PTPRZ1: variants seen among roughly 807,000 people sequenced by gnomAD.
PTPRZ1 encodes the protein protein tyrosine phosphatase receptor type Z1.
Under a neutral mutation model 214.1 loss-of-function variants are expected in PTPRZ1, and 82 were observed. The observed-to-expected ratio is 0.38, with a 90% CI of 0.32 to 0.46. PTPRZ1 has a LOEUF of 0.46. Ranked by LOEUF, PTPRZ1 falls within the 20% of genes least tolerant of loss-of-function variation. The pLI is 1.00. For synonymous variants in PTPRZ1, 945 were observed against 987.9 expected (o/e 0.96, Z 0.81); for missense variants, 2,603 against 2,748.7 (o/e 0.95, Z 1.19).
Position 122,036,605 on chromosome 7 carries a change from C to A in PTPRZ1, c.5290C>A (p.His1764Asn). 1 of 1,593,526 alleles carries A rather than the reference C, an allele frequency of 6.3e-7. No homozygotes were observed. Among genetic ancestry groups the A allele is most frequent in the Non-Finnish European group, 8.6e-7 (1 of 1,161,612 alleles). Residue 1764 changes from histidine (H) to asparagine (N), a missense_variant, in exon 18 of 30, where the codon CAT (histidine) becomes AAT (asparagine). Physicochemically the swap from His to Asn is moderately conservative, Grantham distance 68 (BLOSUM62 1). Transcript: ENST00000393386. ...NRYINIVAYD[H>N]SRVKLAQLAE... ...ATATTCTCTTTATATTACAGATGAT[C>A]ATAGCAGGGTTAAGCTAGCACAGCT...
chr7:121,949,840 T>A (rs1046944529), intron 2 of PTPRZ1, among the ~76,000 whole-genome samples: 7 of 152,100 alleles, frequency 4.6e-5, no homozygotes, highest in African/African-American at 1.7e-4. Flanking sequence ...TTTTTCACAT[T>A]GAAAAATCCA....
intron 1 of PTPRZ1, among the ~76,000 whole-genome samples, chr7:121,914,845 CTT>C (rs1795373022): frequency 6.6e-6 from 1 of 152,106 alleles, no homozygotes. Context: ...AGATGTGTAA[CTT>C]TCATTTATTC....
intron 20 of PTPRZ1, 128 bp from the exon 21 acceptor site, chr7:122,040,688 C>A: frequency 1.6e-6 from 1 of 645,058 alleles, no homozygotes; most frequent in African/African-American, 1.8e-5. Context: ...GGACCCTCAA[C>A]ATCAAATCAA....
At chr7:121,995,662 T>C (rs1464994175) in intron 8 of PTPRZ1, among the ~76,000 whole-genome samples, 2 of 152,208 alleles carry the variant, frequency 1.3e-5, no homozygotes, top group Admixed American at 1.3e-4. Context: ...ATTTTCTTAA[T>C]TTACTTATGA....
At chr7:121,954,234 A>T (rs1796641748) in intron 2 of PTPRZ1, among the ~76,000 whole-genome samples, 2 of 152,112 alleles carry the variant, frequency 1.3e-5, no homozygotes. Flanking sequence ...TTTAAATATG[A>T]CCGTGACACT....
intron 23 of PTPRZ1, 128 bp from the exon 24 acceptor site, chr7:122,051,300 C>G (rs1267116063): frequency 1.9e-6 from 1 of 518,024 alleles, no homozygotes; most frequent in Non-Finnish European, 3.3e-6. Flanking sequence ...GAAAACATTT[C>G]ATATATATTT....
chr7:121,973,940 G>GAAAAAAAA (rs371692415), intron 4 of PTPRZ1, among the ~76,000 whole-genome samples: 45 of 86,182 alleles, frequency 5.2e-4, no homozygotes, highest in East Asian at 1.2e-3. Flanking sequence ...TCTCAAAAAA[G>GAAAAAAAA]AAAAAAAAAA....
intron 8 of PTPRZ1, among the ~76,000 whole-genome samples, chr7:121,993,486 A>G (rs1798033980): frequency 6.7e-6 from 1 of 149,944 alleles, no homozygotes; most frequent in Admixed American, 6.7e-5. Context: ...GAGGCAGGAG[A>G]ATGGTGTGAA....
chr7:121,979,402 G>A (rs1239179448), intron 6 of PTPRZ1, among the ~76,000 whole-genome samples: 1 of 152,142 alleles, frequency 6.6e-6, no homozygotes, highest in African/African-American at 2.4e-5. Flanking sequence ...CATCATCAGT[G>A]ATTATCTGAT....
chr7:122,028,792 TGTTCCAG>T (rs1318461338), intron 14 of PTPRZ1, 149 bp downstream of exon 14: 2 of 606,754 alleles, frequency 3.3e-6, no homozygotes, highest in Non-Finnish European at 5.8e-6. Flanking sequence ...TATTACATTA[TGTTCCAG>T]GTACTCAGGT....
rs1205020011 is a variant in PTPRZ1, at chr7:122,053,921, G to A, written c.6264G>A (p.Gln2088=). ...INASYIMGYY[Q]SNEFIITQHP... Reference sequence around the variant, plus strand: ...CTTTGGTTTTGTAGGGCTATTACCAGAGCAATGAATTCATCATTACCCAGC... The same window carrying A: ...CTTTGGTTTTGTAGGGCTATTACCAAAGCAATGAATTCATCATTACCCAGC... Residue 2088 remains glutamine, a synonymous_variant, in exon 26 of 30, where the codon CAG becomes CAA. Transcript: ENST00000393386. 5.6e-6 allele frequency: 9 copies of A among 1,612,734 alleles called. No homozygotes were observed. Among genetic ancestry groups the A allele is most frequent in the African/African-American group, 1.3e-5 (1 of 74,860 alleles).
At chr7:122,045,923 C>A (rs1299634671) in intron 23 of PTPRZ1, among the ~76,000 whole-genome samples, 2 of 151,926 alleles carry the variant, frequency 1.3e-5, no homozygotes, top group Middle Eastern at 6.8e-3. Context: ...TGTGTGTGTA[C>A]CATCCCATAA....
At chr7:121,928,011 G>A (rs770048011) in intron 1 of PTPRZ1, 145 bp from the exon 2 acceptor site, 141 of 647,088 alleles carry the variant, frequency 2.2e-4, no homozygotes, top group Non-Finnish European at 3.1e-4. Context: ...TATAATGGTG[G>A]TGGTTGAGGT....
At chr7:121,936,003 A>G (rs911101160) in intron 2 of PTPRZ1, among the ~76,000 whole-genome samples, 1 of 152,244 alleles carries the variant, frequency 6.6e-6, no homozygotes, top group African/African-American at 2.4e-5. Flanking sequence ...TTGTCACACA[A>G]AATTCACTTA....
intron 1 of PTPRZ1, among the ~76,000 whole-genome samples, chr7:121,919,846 C>G (rs978442786): frequency 1.9e-5 from 2 of 105,564 alleles, no homozygotes; most frequent in Non-Finnish European, 3.8e-5. Context: ...ATTAACCAAG[C>G]CTTTATTAAT....
intron 1 of PTPRZ1, among the ~76,000 whole-genome samples, chr7:121,884,610 G>A (rs1584600611): frequency 6.6e-6 from 1 of 151,646 alleles, no homozygotes; most frequent in South Asian, 2.1e-4. Context: ...AAGGGTTTGG[G>A]CCCAGTTAGA....
At chr7:121,888,252 A>G (rs1240481934) in intron 1 of PTPRZ1, among the ~76,000 whole-genome samples, 1 of 151,782 alleles carries the variant, frequency 6.6e-6, no homozygotes, top group African/African-American at 2.4e-5. Context: ...AATCGAATCA[A>G]TTTCTCTTCT....
chr7:121,923,054 A>G (rs2116351303), intron 1 of PTPRZ1, among the ~76,000 whole-genome samples: 1 of 152,284 alleles, frequency 6.6e-6, no homozygotes, highest in South Asian at 2.1e-4. Context: ...TCTGTCACCA[A>G]AAATAAGTTC....
chr7:121,892,702 AT>A (rs1794676485), intron 1 of PTPRZ1, among the ~76,000 whole-genome samples: 1 of 136,280 alleles, frequency 7.3e-6, no homozygotes, highest in Non-Finnish European at 1.6e-5. Context: ...ATATATATAT[AT>A]ATATATATAT....
Sources: gnomAD v4.1 joint callset for allele counts (sites outside exome capture counted in the v4.1 genomes callset) on GRCh38, gnomAD v4.1.1 for gene constraint, MANE v1.5 for transcripts, NCBI Gene and HGNC (gene_info 2026-07-23, HGNC 2026-07-21) for gene names.